CACNA1C: variants seen among roughly 807,000 people sequenced by gnomAD.
CACNA1C encodes calcium voltage-gated channel subunit alpha1 C, also known as voltage-dependent L-type calcium channel subunit alpha-1C.
In CACNA1C, 30 loss-of-function variants were observed where a neutral mutation model predicts 229.0. The observed-to-expected ratio is 0.13, with a 90% CI of 0.10 to 0.18. The LOEUF is 0.18. Ranked by LOEUF, CACNA1C falls within the 10% of genes least tolerant of loss-of-function variation. The pLI is 1.00. For missense variants in CACNA1C, 1,658 were observed against 2,845.0 expected (o/e 0.58, Z 9.49); for synonymous variants, 1,114 against 1,132.5 (o/e 0.98, Z 0.33).
intron 3 of CACNA1C, among the ~76,000 whole-genome samples, chr12:2,311,557 C>T (rs1027202493): frequency 5.3e-5 from 8 of 152,280 alleles, no homozygotes; most frequent in East Asian, 1.9e-4. Context: ...CATCCTCTCT[C>T]GCACAGCAAA....
intron 3 of CACNA1C, chr12:2,217,470 AATC>A (rs2060269813): frequency 6.6e-6 from 1 of 152,270 alleles, no homozygotes; most frequent in African/African-American, 2.4e-5. Context: ...GATTAATAAG[AATC>A]ATCTATTTTA....
In CACNA1C at chr12:2,504,596, C is replaced by G; in HGVS notation, c.1114-246C>G. 1 of 1,037,680 alleles carries G rather than the reference C, an allele frequency of 9.6e-7. No individual in the cohort carries two copies. The highest frequency in any genetic ancestry group is 1.5e-6 in the Non-Finnish European group (1 of 655,518). The allele number at this position is 1,037,680 out of a possible 1,614,324, so 64.3% of individuals were successfully genotyped here. A position where few individuals can be genotyped will look rare whatever the true frequency, so the allele number is the denominator to read the frequency against. On this transcript the variant is annotated intron_variant, in intron 7 of 46. Coordinates refer to ENST00000399655, the MANE Select transcript of CACNA1C (RefSeq NM_000719.7). This position sits in a 1 kb window ranked among gnomAD's most constrained non-coding sequence, Gnocchi z 6.8. ...ACGCAGCCGAGCAAGGTCTCAGGTT[C>G]CACTCCGTACATGCCCGGGGTCCTC... is the stretch of plus-strand genomic sequence containing the variant.
rs78453856 is a variant in CACNA1C, at chr12:2,411,489, G to A, written c.478-37487G>A. ...CCTGCTCCTTCTGTGGGCTAAAATG[G>A]CACTGCTGGCTGTGTGTTCAGAGCA... On this transcript the variant is annotated intron_variant, in intron 3 of 46. Coordinates refer to ENST00000399655, the MANE Select transcript of CACNA1C (RefSeq NM_000719.7). Among the ~76,000 whole-genome samples, 14 of 152,242 alleles carry A rather than the reference G, an allele frequency of 9.2e-5. No individual in the cohort carries two copies. The East Asian group carries it at 2.5e-3, about 27-fold the overall frequency.
intron 3 of CACNA1C, among the ~76,000 whole-genome samples, chr12:2,268,640 T>A (rs564945473): frequency 6.6e-6 from 1 of 152,138 alleles, no homozygotes; most frequent in African/African-American, 2.4e-5. Context: ...GGGACCCTAA[T>A]GGACAGAGGA....
chr12:2,311,994 A>G (rs1318827858), intron 3 of CACNA1C, among the ~76,000 whole-genome samples: 2 of 152,234 alleles, frequency 1.3e-5, no homozygotes, highest in African/African-American at 2.4e-5. Context: ...TATGTAAACT[A>G]GGAGAACCCC....
intron 3 of CACNA1C, among the ~76,000 whole-genome samples, chr12:2,426,445 G>A (rs2099033166): frequency 6.6e-6 from 1 of 152,200 alleles, no homozygotes; most frequent in African/African-American, 2.4e-5. Context: ...GATACTTCAG[G>A]TCTGGGGGAA....
At chr12:2,263,283 C>T (rs2081066527) in intron 3 of CACNA1C, among the ~76,000 whole-genome samples, 1 of 148,340 alleles carries the variant, frequency 6.7e-6, no homozygotes, top group African/African-American at 2.5e-5. Flanking sequence ...TGGGAGTATG[C>T]CCAGCGTGTC....
intron 3 of CACNA1C, among the ~76,000 whole-genome samples, chr12:2,420,550 T>C (rs1430154515): frequency 6.6e-6 from 1 of 152,212 alleles, no homozygotes; most frequent in Non-Finnish European, 1.5e-5. Flanking sequence ...AGTGACACTG[T>C]TATTAAATTA....
chr12:2,115,479 G>A lies in CACNA1C; in HGVS notation c.305G>A (p.Arg102Gln), dbSNP rs1027539784. ...AGCACCACGGCCACACGCCCGCCCC[G>A]AGCCCTGCTCTGCCTGACCCTGAAG... The part of the protein sequence containing the change: ...QGSTTATRPP[R>Q]ALLCLTLKNP... Residue 102 changes from arginine to glutamine, a missense_variant, in exon 2 of 47, where the codon CGA becomes CAA. Around this residue, in one of 20 missense-constraint regions of CACNA1C, gnomAD observed 89 missense variants for 177.8 expected, o/e 0.50. Transcript: ENST00000399655. 6 of 1,613,468 alleles carry A rather than the reference G, an allele frequency of 3.7e-6. No homozygotes were observed. Among genetic ancestry groups the A allele is most frequent in the Non-Finnish European group, 4.2e-6 (5 of 1,179,896 alleles).
chr12:2,458,535 G>A (rs2099462069), intron 5 of CACNA1C, among the ~76,000 whole-genome samples: 2 of 152,154 alleles, frequency 1.3e-5, no homozygotes, highest in Non-Finnish European at 2.9e-5. Flanking sequence ...GAACAATTCT[G>A]GACTCATTTG....
chr12:2,250,583 C>T (rs1566671919), intron 3 of CACNA1C, among the ~76,000 whole-genome samples: 1 of 152,182 alleles, frequency 6.6e-6, no homozygotes, highest in Non-Finnish European at 1.5e-5. Context: ...GAGACTGGCA[C>T]CTCCTCCAAG....
At position 2,575,629 on chromosome 12, in the gene CACNA1C, G is replaced by A. The variant is rs1329640359; in HGVS notation, c.1896-5961G>A. Among the ~76,000 whole-genome samples the A allele has an allele frequency of 1.3e-5, 2 of 152,136 alleles. No homozygotes were observed. Among genetic ancestry groups the A allele is most frequent in the East Asian group, 1.9e-4 (1 of 5,196 alleles). ...TTTTAACAATAGATCACTTGCCACCGAAACTAAGAATTTTTTTTTAGCCTT... is the reference window on the plus strand; with the variant it reads ...TTTTAACAATAGATCACTTGCCACCAAAACTAAGAATTTTTTTTTAGCCTT... On this transcript the variant is annotated intron_variant, in intron 13 of 46. Coordinates refer to ENST00000399655, the MANE Select transcript of CACNA1C (RefSeq NM_000719.7). The surrounding 1 kb of genome is among the most constrained non-coding windows in gnomAD (Gnocchi z 4.0).
intron 1 of CACNA1C, among the ~76,000 whole-genome samples, chr12:2,057,034 A>G (rs567988014): frequency 3.3e-5 from 5 of 152,312 alleles, no homozygotes; most frequent in Admixed American, 2.0e-4. Context: ...TTCATAGTAA[A>G]GGGAGACTTG....
intron 3 of CACNA1C, among the ~76,000 whole-genome samples, chr12:2,240,367 A>G (rs1479784324): frequency 2.0e-5 from 3 of 152,244 alleles, no homozygotes; most frequent in Admixed American, 6.5e-5. Context: ...GAACAGTCCT[A>G]AAAAGTAGAG....
intron 1 of CACNA1C, among the ~76,000 whole-genome samples, chr12:2,075,220 A>T (rs530934955): frequency 3.9e-5 from 6 of 152,286 alleles, no homozygotes; most frequent in African/African-American, 9.6e-5. Context: ...CATTCTGAAG[A>T]CAAATAACCA....
At position 2,239,756 on chromosome 12, in the gene CACNA1C, T is replaced by C. The variant is rs557257208; in HGVS notation, c.477+119326T>C. ...TTTCCACAGAGGCTGTGTGCCCGGCTACCATTCCCTAAGGCTCAGCCATTG... is the reference window on the plus strand; with the variant it reads ...TTTCCACAGAGGCTGTGTGCCCGGCCACCATTCCCTAAGGCTCAGCCATTG... On this transcript the variant is annotated intron_variant, in intron 3 of 46. Transcript: ENST00000399655. 2.1e-4 allele frequency among the ~76,000 whole-genome samples: 32 copies of C among 152,278 alleles called. No homozygotes were observed. The South Asian group carries it at 6.4e-3, about 31-fold the overall frequency.
intron 38 of CACNA1C, among the ~76,000 whole-genome samples, chr12:2,669,466 T>C (rs1296910395): frequency 6.6e-6 from 1 of 152,250 alleles, no homozygotes; most frequent in Admixed American, 6.5e-5. Flanking sequence ...CTCTAGCTTA[T>C]TCATTTTGAA....
intron 3 of CACNA1C, among the ~76,000 whole-genome samples, chr12:2,170,860 AG>A (rs759367289): frequency 6.6e-6 from 1 of 152,222 alleles, no homozygotes; most frequent in Non-Finnish European, 1.5e-5. Flanking sequence ...CCAGGCCTGC[AG>A]GGGCCCTGAG....
At chr12:2,292,845 G>A (rs994934190) in intron 3 of CACNA1C, among the ~76,000 whole-genome samples, 13 of 152,148 alleles carry the variant, frequency 8.5e-5, no homozygotes, top group African/African-American at 2.9e-4. Flanking sequence ...CATGCCCTGC[G>A]GCACCAGGCC....
Sources: gnomAD v4.1 joint callset for allele counts (sites outside exome capture counted in the v4.1 genomes callset) on GRCh38, gnomAD v4.1.1 for gene constraint, gnomAD v4.1.1 regional missense constraint, Gnocchi (gnomAD v3.1) non-coding constraint, MANE v1.5 for transcripts, NCBI Gene and HGNC (gene_info 2026-07-23, HGNC 2026-07-21) for gene names.